SMYD3: variants seen among roughly 807,000 people sequenced by gnomAD.
SMYD3 encodes histone-lysine N-methyltransferase SMYD3.
Under a neutral mutation model 57.7 loss-of-function variants are expected in SMYD3, and 36 were observed. That is an observed-to-expected ratio of 0.62 (90% confidence interval 0.48 to 0.82). The LOEUF is 0.82. Among genes scored for constraint, SMYD3 ranks in the 40% least tolerant of loss-of-function variants. SMYD3 has a pLI of 0.00. For missense variants in SMYD3, 515 were observed against 538.8 expected (o/e 0.96, Z 0.44); for synonymous variants, 211 against 195.0 (o/e 1.08, Z -0.68).
intron 3 of SMYD3, among the ~76,000 whole-genome samples, chr1:246,330,911 G>A (rs910941565): frequency 3.3e-5 from 5 of 152,190 alleles, no homozygotes; most frequent in Non-Finnish European, 7.3e-5. Flanking sequence ...GAGGCAGGCA[G>A]ATTGCTTTAG....
intron 10 of SMYD3, among the ~76,000 whole-genome samples, chr1:245,803,222 G>A (rs1411488699): frequency 4.6e-5 from 7 of 152,184 alleles, no homozygotes; most frequent in African/African-American, 7.2e-5. Flanking sequence ...ATGGCTTGCC[G>A]TATGTGCAAG....
intron 8 of SMYD3, among the ~76,000 whole-genome samples, chr1:245,882,168 A>G (rs2052817670): frequency 6.6e-6 from 1 of 152,196 alleles, no homozygotes; most frequent in Admixed American, 6.5e-5. Flanking sequence ...TGCTGAAGAA[A>G]CACTCACAGG....
intron 5 of SMYD3, among the ~76,000 whole-genome samples, chr1:246,011,486 C>T (rs2059280954): frequency 2.0e-5 from 3 of 152,164 alleles, no homozygotes; most frequent in East Asian, 3.9e-4. Flanking sequence ...GGCCTATGTG[C>T]CTGTAAAATT....
intron 10 of SMYD3, among the ~76,000 whole-genome samples, chr1:245,844,368 G>C (rs1158566806): frequency 6.8e-6 from 1 of 147,196 alleles, no homozygotes; most frequent in Non-Finnish European, 1.5e-5. Context: ...GGTTGGATTA[G>C]CTTTACTGCA....
intron 1 of SMYD3, among the ~76,000 whole-genome samples, chr1:246,445,963 T>C (rs1388458900): frequency 6.6e-6 from 1 of 152,116 alleles, no homozygotes; most frequent in East Asian, 1.9e-4. Flanking sequence ...TATGAATGCA[T>C]AACTAATGAA....
chr1:246,114,439 CACAA>C (rs957727452), intron 5 of SMYD3, among the ~76,000 whole-genome samples: 25 of 152,296 alleles, frequency 1.6e-4, no homozygotes, highest in African/African-American at 5.8e-4. Flanking sequence ...GACAGCTAAT[CACAA>C]ACAACCTGCT....
intron 1 of SMYD3, among the ~76,000 whole-genome samples, chr1:246,486,092 T>G (rs966323575): frequency 2.0e-5 from 3 of 152,236 alleles, no homozygotes; most frequent in Non-Finnish European, 4.4e-5. Context: ...TCCCAGGCTT[T>G]ACGCTGGATG....
chr1:246,323,365 C>A (rs1440635988), intron 5 of SMYD3, among the ~76,000 whole-genome samples: 2 of 152,052 alleles, frequency 1.3e-5, no homozygotes, highest in Non-Finnish European at 2.9e-5. Flanking sequence ...GGGAAAATTA[C>A]AAGTAACAGA....
In SMYD3 at chr1:246,010,985, C is replaced by T. The variant is rs138999937; in HGVS notation, c.532-81048G>A. Among the ~76,000 whole-genome samples the T allele has an allele frequency of 6.4e-4, 97 of 152,296 alleles. 1 individual carries two copies. Among genetic ancestry groups the T allele is most frequent in the African/African-American group, 2.0e-3 (85 of 41,558 alleles). On this transcript the variant is annotated intron_variant, in intron 5 of 11. Coordinates refer to ENST00000490107, the MANE Select transcript of SMYD3 (RefSeq NM_001167740.2). ...CTTCCAGAGTCACAGGGTTTGAAGACGGCTGAAGACGTCATCTTGTCCCCA... is the reference window on the plus strand; with the variant it reads ...CTTCCAGAGTCACAGGGTTTGAAGATGGCTGAAGACGTCATCTTGTCCCCA...
At chr1:245,841,551 T>C (rs1032479138) in intron 10 of SMYD3, among the ~76,000 whole-genome samples, 1 of 152,308 alleles carries the variant, frequency 6.6e-6, no homozygotes, top group South Asian at 2.1e-4. Context: ...TAGATCTAAT[T>C]CAAATTCTAA....
chr1:245,908,794 T>C (rs920463392), intron 8 of SMYD3, among the ~76,000 whole-genome samples: 1 of 152,134 alleles, frequency 6.6e-6, no homozygotes, highest in African/African-American at 2.4e-5. Context: ...CATATCAAAA[T>C]GTATGGGTTA....
chr1:246,040,564 G>C (rs1013381074), intron 5 of SMYD3, among the ~76,000 whole-genome samples: 6 of 152,206 alleles, frequency 3.9e-5, no homozygotes, highest in Non-Finnish European at 8.8e-5. Context: ...AACAATTTAA[G>C]TTTAGCCACG....
intron 5 of SMYD3, among the ~76,000 whole-genome samples, chr1:246,237,066 G>A (rs565453029): frequency 7.9e-5 from 12 of 152,078 alleles, no homozygotes; most frequent in Non-Finnish European, 4.4e-5. Context: ...CCAAAGAGAC[G>A]ACCACATTAA....
At chr1:245,929,295 T>C (rs897666585) in intron 6 of SMYD3, among the ~76,000 whole-genome samples, 1 of 152,182 alleles carries the variant, frequency 6.6e-6, no homozygotes, top group African/African-American at 2.4e-5. Context: ...AAGTCTAAAT[T>C]TGTATTTGGA....
intron 5 of SMYD3, among the ~76,000 whole-genome samples, chr1:246,079,011 CATT>C (rs1377380265): frequency 1.3e-5 from 2 of 151,446 alleles, no homozygotes; most frequent in Non-Finnish European, 2.9e-5. Flanking sequence ...CTTCTCTCAT[CATT>C]CTTTTTTTTT....
Position 245,956,859 on chromosome 1 carries a change from T to C in SMYD3, c.532-26922A>G, listed in dbSNP as rs140571890. ...ACTATGCCATCCTTTGGTTTGAACA[T>C]TGCATACCCATCTTAAGGCAGTTGA... On this transcript the variant is annotated intron_variant, in intron 5 of 11. Coordinates refer to ENST00000490107, the MANE Select transcript of SMYD3 (RefSeq NM_001167740.2). 8.1e-3 allele frequency among the ~76,000 whole-genome samples: 1,228 copies of C among 152,380 alleles called. 16 individuals are homozygous for C. Among genetic ancestry groups the C allele is most frequent in the African/African-American group, 0.028 (1,167 of 41,596 alleles).
rs200573424 is a variant in SMYD3 at position 246,348,060 on chromosome 1, T to TTATATATATATATA, written c.228+6957_228+6970dup. On this transcript the variant is annotated intron_variant, in intron 2 of 11. Transcript: ENST00000490107. The stretch of plus-strand genomic sequence containing the variant: ...ATTGGTGGACTGAATAAAGAAAACG[T>TTATATATATATATA]TATATATATATATATATACACACAC... Among the ~76,000 whole-genome samples the TTATATATATATATA allele has an allele frequency of 1.7e-4, 14 of 82,974 alleles. 2 individuals are homozygous for TTATATATATATATA. The highest frequency in any genetic ancestry group is 5.9e-4 in the African/African-American group (14 of 23,654). 54.4% of individuals were successfully genotyped at this position (82,974 alleles called of 152,430 possible).
chr1:245,902,144 G>A (rs1208313123), intron 8 of SMYD3, among the ~76,000 whole-genome samples: 3 of 152,158 alleles, frequency 2.0e-5, no homozygotes, highest in Non-Finnish European at 4.4e-5. Flanking sequence ...GAGGGCTGCA[G>A]TATCATGAGG....
At chr1:245,948,053 G>A (rs1027588206) in intron 5 of SMYD3, among the ~76,000 whole-genome samples, 2 of 152,070 alleles carry the variant, frequency 1.3e-5, no homozygotes, top group African/African-American at 4.8e-5. Context: ...CTGCCTAGCC[G>A]GTTTCGCCAG....
Sources: allele counts gnomAD v4.1 joint callset (sites outside exome capture counted in the v4.1 genomes callset), GRCh38; gene constraint gnomAD v4.1.1; transcripts MANE v1.5; gene names NCBI Gene and HGNC (gene_info 2026-07-23, HGNC 2026-07-21).